Variants in SAXO4 observed in about 807,000 individuals in gnomAD.
SAXO4 encodes the protein stabilizer of axonemal microtubules 4.
chr11:61,488,245 C>T, the SAXO4 span, among the ~76,000 whole-genome samples: 6 of 151,390 alleles, frequency 4.0e-5, no homozygotes, highest in East Asian at 9.7e-4. Context: ...CTTTGGCCTC[C>T]CAAAGTGCTG....
At chr11:61,484,760 C>G in the SAXO4 span, 1 of 1,612,652 alleles carries the variant, frequency 6.2e-7, no homozygotes, top group Non-Finnish European at 8.5e-7. Context: ...CAGGGAAGTG[C>G]CTCTGCTCCA....
the SAXO4 span, chr11:61,482,200 G>A: frequency 3.1e-6 from 3 of 962,470 alleles, no homozygotes; most frequent in South Asian, 1.5e-5. Context: ...GTGGCTCTGA[G>A]CCCTCCCCTG....
the SAXO4 span, chr11:61,489,416 C>G: frequency 2.0e-6 from 1 of 511,104 alleles, no homozygotes; most frequent in South Asian, 3.2e-5. Flanking sequence ...TGTCTTTGCA[C>G]CCTCTGGACC....
chr11:61,486,555 G>A, the SAXO4 span: 1 of 1,614,214 alleles, frequency 6.2e-7, no homozygotes. Context: ...TTGGCCAGAG[G>A]CTCCAAGCGG....
the SAXO4 span, chr11:61,482,583 AG>A: frequency 6.2e-7 from 1 of 1,607,788 alleles, no homozygotes; most frequent in African/African-American, 1.3e-5. Context: ...GGGAGGGTGC[AG>A]GGAGGAGGGA....
At chr11:61,484,627 G>GA in the SAXO4 span, 1 of 1,595,242 alleles carries the variant, frequency 6.3e-7, no homozygotes, top group African/African-American at 1.3e-5. Flanking sequence ...GTCAAGGGCA[G>GA]AAGCAGAGTC....
chr11:61,484,172 G>A, the SAXO4 span, among the ~76,000 whole-genome samples: 1 of 152,252 alleles, frequency 6.6e-6, no homozygotes, highest in African/African-American at 2.4e-5. Flanking sequence ...GAACTCAGGA[G>A]GTGGAGTTTG....
At chr11:61,490,851 C>A in the SAXO4 span, 2 of 530,816 alleles carry the variant, frequency 3.8e-6, no homozygotes, top group African/African-American at 1.9e-5. Context: ...AGGCTACTGT[C>A]TGTACCCCCA....
the SAXO4 span, chr11:61,490,705 G>A: frequency 7.1e-6 from 6 of 845,772 alleles, no homozygotes; most frequent in East Asian, 7.6e-5. Flanking sequence ...CCTTCCAAGT[G>A]GGGGGTGACA....
the SAXO4 span, among the ~76,000 whole-genome samples, chr11:61,488,225 G>C: frequency 1.3e-5 from 2 of 150,772 alleles, no homozygotes; most frequent in Non-Finnish European, 2.9e-5. Context: ...GACCTCAAGT[G>C]ATCTGCCTGC....
the SAXO4 span, among the ~76,000 whole-genome samples, chr11:61,483,252 C>T: frequency 0.013 from 2,039 of 151,172 alleles, 52 homozygotes; most frequent in African/African-American, 0.046. Context: ...CTGCAACCTC[C>T]ACCTCCTGGG....
At chr11:61,490,634 C>A in the SAXO4 span, 2 of 1,493,802 alleles carry the variant, frequency 1.3e-6, no homozygotes, top group Non-Finnish European at 1.9e-6. Flanking sequence ...GTGTGGGCAA[C>A]CGTTATGGGC....
the SAXO4 span, chr11:61,486,025 C>A: frequency 1.3e-6 from 1 of 753,968 alleles, no homozygotes; most frequent in Non-Finnish European, 2.2e-6. Flanking sequence ...AAACACAAGA[C>A]GAAAGAGCTT....
At chr11:61,483,468 A>G in the SAXO4 span, among the ~76,000 whole-genome samples, 1 of 151,694 alleles carries the variant, frequency 6.6e-6, no homozygotes, top group East Asian at 2.0e-4. Flanking sequence ...GCCCAGCCCC[A>G]TCTTTTTCAT....
chr11:61,490,629 G>C, the SAXO4 span: 8 of 1,532,654 alleles, frequency 5.2e-6, no homozygotes, highest in Middle Eastern at 3.4e-4. Flanking sequence ...TGGTTGTGTG[G>C]GCAACCGTTA....
At chr11:61,486,615 G>A in the SAXO4 span, 1 of 1,613,888 alleles carries the variant, frequency 6.2e-7, no homozygotes, top group Non-Finnish European at 8.5e-7. Flanking sequence ...CCCAGAGTGA[G>A]TGGCCTTGGC....
the SAXO4 span, chr11:61,482,561 T>C: frequency 7.7e-3 from 12,255 of 1,594,748 alleles, 60 homozygotes; most frequent in South Asian, 0.01. Context: ...AGCGGACCTC[T>C]GAGCCATCTG....
the SAXO4 span, chr11:61,484,802 G>A: frequency 3.8e-6 from 6 of 1,596,100 alleles, no homozygotes; most frequent in Admixed American, 1.7e-5. Flanking sequence ...GCTGGAGCGG[G>A]AGAACTTCCG....
chr11:61,485,814 A>C, the SAXO4 span: 2 of 1,613,740 alleles, frequency 1.2e-6, no homozygotes, highest in Non-Finnish European at 1.7e-6. Context: ...TTGCAGAAGA[A>C]ATCGATCGGC....
Sources: allele counts gnomAD v4.1 joint callset (sites outside exome capture counted in the v4.1 genomes callset), GRCh38; gene constraint gnomAD v4.1.1; transcripts MANE v1.5; gene names NCBI Gene and HGNC (gene_info 2026-07-23, HGNC 2026-07-21).